The following SLC6A11 variants were observed in gnomAD, a reference collection of about 807,000 sequenced individuals.
SLC6A11 encodes solute carrier family 6 member 11, also known as sodium- and chloride-dependent GABA transporter 3.
A neutral mutation model predicts 74.8 loss-of-function variants in SLC6A11; 25 were observed. The ratio of observed to expected loss-of-function variants is 0.33; its 90% CI spans 0.24 to 0.47. The LOEUF is 0.47. SLC6A11 is among the 20% of genes least tolerant of loss of function. The pLI, the probability that SLC6A11 is intolerant of heterozygous loss-of-function variation, is 1.00. For synonymous variants in SLC6A11, 330 were observed against 330.2 expected (o/e 1.00, Z 0.01); for missense variants, 574 against 837.0 (o/e 0.69, Z 3.88).
intron 5 of SLC6A11, among the ~76,000 whole-genome samples, chr3:10,874,235 T>C (rs945994573): frequency 6.6e-6 from 1 of 152,380 alleles, no homozygotes; most frequent in South Asian, 2.1e-4. Context: ...ACATGTGTTA[T>C]GTTGTGAAAC....
intron 6 of SLC6A11, among the ~76,000 whole-genome samples, chr3:10,909,281 G>A (rs1250930188): frequency 6.6e-6 from 1 of 151,984 alleles, no homozygotes; most frequent in East Asian, 1.9e-4. Flanking sequence ...GTAAAATTGA[G>A]GTGCTGTTAC....
intron 9 of SLC6A11, 124 bp from the exon 10 acceptor site, chr3:10,929,078 T>G: frequency 1.0e-6 from 1 of 958,424 alleles, no homozygotes; most frequent in Non-Finnish European, 1.6e-6. Flanking sequence ...AGGCCCCTCG[T>G]CTGCATTAAT....
chr3:10,854,159 A>G (rs1165035542), intron 5 of SLC6A11, among the ~76,000 whole-genome samples: 1 of 152,220 alleles, frequency 6.6e-6, no homozygotes, highest in Non-Finnish European at 1.5e-5. Context: ...AGGCTGAGGC[A>G]GGCGGATCAC....
At chr3:10,919,222 G>T (rs1051358370) in intron 8 of SLC6A11, among the ~76,000 whole-genome samples, 2 of 152,088 alleles carry the variant, frequency 1.3e-5, no homozygotes, top group Non-Finnish European at 1.5e-5. Flanking sequence ...GTGCAAAATG[G>T]TGAAAAACTC....
intron 10 of SLC6A11, among the ~76,000 whole-genome samples, chr3:10,932,215 C>T (rs1226056904): frequency 6.6e-6 from 1 of 152,170 alleles, no homozygotes; most frequent in Non-Finnish European, 1.5e-5. Context: ...TGAGCTCACA[C>T]ATTCTAGGAC....
intron 6 of SLC6A11, among the ~76,000 whole-genome samples, chr3:10,903,952 A>G (rs1458810481): frequency 6.6e-6 from 1 of 152,272 alleles, no homozygotes; most frequent in Non-Finnish European, 1.5e-5. Context: ...GAAATTAGAC[A>G]TTCTACTTGC....
chr3:10,925,945 A>G, intron 8 of SLC6A11, 59 bp from the exon 9 acceptor site: 3 of 916,862 alleles, frequency 3.3e-6, no homozygotes, highest in Non-Finnish European at 5.3e-6. Context: ...GGATTAAAAT[A>G]GCAATGATAT....
intron 6 of SLC6A11, among the ~76,000 whole-genome samples, chr3:10,898,948 A>G (rs1245644703): frequency 6.6e-6 from 1 of 152,252 alleles, no homozygotes; most frequent in African/African-American, 2.4e-5. Context: ...CAATCATGGC[A>G]GAAAATGAAA....
chr3:10,928,973 T>C (rs571671031), intron 9 of SLC6A11, among the ~76,000 whole-genome samples: 8 of 152,316 alleles, frequency 5.3e-5, no homozygotes, highest in Non-Finnish European at 8.8e-5. Context: ...TGAATAATCC[T>C]GGGCAGGTCA....
intron 4 of SLC6A11, among the ~76,000 whole-genome samples, chr3:10,833,900 G>A (rs938049987): frequency 2.6e-5 from 4 of 152,194 alleles, no homozygotes; most frequent in African/African-American, 9.6e-5. Context: ...TATAGAACAG[G>A]AAGCAGCAAC....
Position 10,816,275 on chromosome 3 carries a change from G to A in SLC6A11, c.10G>A (p.Glu4Lys). The A allele has an allele frequency of 7.4e-7, 1 of 1,347,996 alleles. No homozygotes were observed. The highest frequency in any genetic ancestry group is 9.5e-7 in the Non-Finnish European group (1 of 1,051,090). The allele number at this position is 1,347,996 out of a possible 1,614,324, so 83.5% of individuals were successfully genotyped here. A position where few individuals can be genotyped will look rare whatever the true frequency, so the allele number is the denominator to read the frequency against. MTA[E>K]KALPLGNGKA... ...GGCAGCCAGCGCGGCCATGACGGCG[G>A]AGAAGGCGCTGCCCCTGGGCAATGG... is the stretch of plus-strand genomic sequence containing the variant. Residue 4 changes from glutamate (E) to lysine (K), a missense_variant, in exon 1 of 14, where the codon GAG becomes AAG. Physicochemically the swap from Glu to Lys is moderately conservative, Grantham distance 56 (BLOSUM62 1). Coordinates refer to ENST00000254488, the MANE Select transcript of SLC6A11 (RefSeq NM_014229.3). The surrounding 1 kb of genome is among the most constrained non-coding windows in gnomAD (Gnocchi z 4.2).
chr3:10,888,174 T>C (rs1424989889), intron 6 of SLC6A11, among the ~76,000 whole-genome samples: 1 of 152,226 alleles, frequency 6.6e-6, no homozygotes, highest in Non-Finnish European at 1.5e-5. Context: ...GCTCACCCTC[T>C]CTGAGCCTCA....
intron 5 of SLC6A11, among the ~76,000 whole-genome samples, chr3:10,853,961 C>T (rs1187606190): frequency 2.0e-5 from 3 of 152,186 alleles, no homozygotes; most frequent in Non-Finnish European, 2.9e-5. Context: ...TCTTGTGTAC[C>T]GTGGCCAGAC....
chr3:10,930,204 T>C (rs1305586122), intron 10 of SLC6A11, among the ~76,000 whole-genome samples: 2 of 152,202 alleles, frequency 1.3e-5, no homozygotes, highest in Non-Finnish European at 2.9e-5. Flanking sequence ...TGCTGCCTCC[T>C]CCTGGAAGCC....
At chr3:10,875,602 G>A (rs1694897732) in intron 6 of SLC6A11, among the ~76,000 whole-genome samples, 1 of 152,150 alleles carries the variant, frequency 6.6e-6, no homozygotes, top group African/African-American at 2.4e-5. Flanking sequence ...AGAGAAACTG[G>A]GTCTTTGTTC....
intron 6 of SLC6A11, among the ~76,000 whole-genome samples, chr3:10,908,629 C>A (rs575768519): frequency 4.6e-5 from 7 of 152,294 alleles, no homozygotes; most frequent in African/African-American, 1.4e-4. Context: ...TCTTTCCCCC[C>A]ATCTGTCTCT....
intron 6 of SLC6A11, among the ~76,000 whole-genome samples, chr3:10,902,000 G>T (rs888016271): frequency 6.6e-6 from 1 of 152,172 alleles, no homozygotes; most frequent in African/African-American, 2.4e-5. Flanking sequence ...GCCATTTTCT[G>T]CCAGGCCATA....
At chr3:10,882,336 G>A (rs1394470108) in intron 6 of SLC6A11, among the ~76,000 whole-genome samples, 1 of 152,130 alleles carries the variant, frequency 6.6e-6, no homozygotes, top group Non-Finnish European at 1.5e-5. Flanking sequence ...CGCCCGACCG[G>A]TGCAGTCACA....
rs1431497744 is a variant in SLC6A11, at chr3:10,939,484, C to T, written c.*1082C>T. The T allele has an allele frequency of 4.6e-5, 7 of 152,352 alleles. No homozygotes were observed. Among genetic ancestry groups the T allele is most frequent in the African/African-American group, 1.7e-4 (7 of 41,450 alleles). The allele number at this position is 152,352 out of a possible 1,614,324, so 9.4% of individuals were successfully genotyped here. ...GCCAGGGTCTATGTCTTAGGACCTT[C>T]CTCCGGCCTTCCATGAGAAGCAGCC... On this transcript the variant is annotated 3_prime_UTR_variant, in exon 14 of 14. Coordinates refer to ENST00000254488, the MANE Select transcript of SLC6A11 (RefSeq NM_014229.3).
Sources: gnomAD v4.1 joint callset for allele counts (sites outside exome capture counted in the v4.1 genomes callset) on GRCh38, gnomAD v4.1.1 for gene constraint, Gnocchi (gnomAD v3.1) non-coding constraint, MANE v1.5 for transcripts, NCBI Gene and HGNC (gene_info 2026-07-23, HGNC 2026-07-21) for gene names.